Variants in ATG5 observed in about 807,000 individuals in gnomAD.
The protein encoded by ATG5 is autophagy related 5, also known as autophagy protein 5.
ATG5 carries 14 observed loss-of-function variants against 36.5 expected under a neutral mutation model. The ratio of observed to expected loss-of-function variants is 0.38; its 90% CI spans 0.25 to 0.60. The LOEUF (loss-of-function observed/expected upper bound fraction) is 0.60, where lower values mean the gene tolerates loss of function less well. Ranked by LOEUF, ATG5 falls within the 20% of genes least tolerant of loss-of-function variation. The probability of loss-of-function intolerance (pLI) is 0.60; values close to 1 mark genes in which losing one functional copy is unlikely to be tolerated. For missense variants in ATG5, 195 were observed against 326.7 expected, an observed-to-expected ratio of 0.60 and a Z score of 3.11; for synonymous variants, 95 against 101.5, an observed-to-expected ratio of 0.94 and a Z score of 0.38.
At position 106,246,371 on chromosome 6, in the gene ATG5, G is replaced by GTCTCTCTC. The variant is rs761408773; in HGVS notation, c.573+1771_573+1778dup. Among the ~76,000 whole-genome samples, 301 of 124,672 alleles carry GTCTCTCTC rather than the reference G, an allele frequency of 2.4e-3. 1 individual carries two copies. The highest frequency in any genetic ancestry group is 8.1e-3 in the African/African-American group (282 of 34,994). The allele number at this position is 124,672 out of a possible 152,430, so 81.8% of individuals were successfully genotyped here. A position where few individuals can be genotyped will look rare whatever the true frequency, so the allele number is the denominator to read the frequency against. On this transcript the variant is annotated intron_variant, in intron 6 of 7. Coordinates refer to ENST00000369076, the MANE Select transcript of ATG5 (RefSeq NM_004849.4). ...TAAAAACCATTCTCTCTCTGTCTCTGTCTCTCTCTCTCTCTCTCTCTCACA... is the reference window on the plus strand; with the variant it reads ...TAAAAACCATTCTCTCTCTGTCTCTGTCTCTCTCTCTCTCTCTCTCTCTCTCTCTCACA...
intron 6 of ATG5, among the ~76,000 whole-genome samples, chr6:106,228,628 C>T (rs1218045249): frequency 6.6e-6 from 1 of 152,044 alleles, no homozygotes; most frequent in Non-Finnish European, 1.5e-5. Flanking sequence ...GAGCAAGGAC[C>T]CCCTGGTAAC....
At chr6:106,238,738 T>TA (rs1185063700) in intron 6 of ATG5, among the ~76,000 whole-genome samples, 2 of 152,140 alleles carry the variant, frequency 1.3e-5, no homozygotes, top group Non-Finnish European at 2.9e-5. Context: ...ACTGAGAAAA[T>TA]ATCTGGGATA....
At chr6:106,267,244 T>C (rs1011888738) in intron 5 of ATG5, among the ~76,000 whole-genome samples, 17 of 152,146 alleles carry the variant, frequency 1.1e-4, no homozygotes, top group African/African-American at 3.4e-4. Flanking sequence ...CCATTCACAA[T>C]TGCTACAAAG....
intron 5 of ATG5, among the ~76,000 whole-genome samples, chr6:106,277,365 G>A (rs953917370): frequency 3.3e-5 from 5 of 152,220 alleles, no homozygotes; most frequent in Admixed American, 6.5e-5. Flanking sequence ...TACAGGACAT[G>A]CCCTCACTTT....
chr6:106,248,597 A>G (rs1449677626), intron 5 of ATG5, among the ~76,000 whole-genome samples: 1 of 152,196 alleles, frequency 6.6e-6, no homozygotes, highest in Non-Finnish European at 1.5e-5. Context: ...CTGAGCTACA[A>G]AGGTACAGCT....
intron 3 of ATG5, among the ~76,000 whole-genome samples, chr6:106,298,503 A>G (rs1391665175): frequency 6.6e-6 from 1 of 152,126 alleles, no homozygotes; most frequent in Non-Finnish European, 1.5e-5. Context: ...GTGAGCCAAG[A>G]TAGTGCGACT....
At chr6:106,222,335 TGG>T (rs989813810) in intron 6 of ATG5, among the ~76,000 whole-genome samples, 1 of 152,228 alleles carries the variant, frequency 6.6e-6, no homozygotes, top group Admixed American at 6.5e-5. Flanking sequence ...TGCATGAGCA[TGG>T]GAATTGAAGT....
At chr6:106,305,718 C>A (rs895428531) in intron 3 of ATG5, among the ~76,000 whole-genome samples, 7 of 152,244 alleles carry the variant, frequency 4.6e-5, no homozygotes. Flanking sequence ...AGTCTTCCAA[C>A]ACTTCAGTGG....
At chr6:106,264,694 T>C (rs1779160136) in intron 5 of ATG5, among the ~76,000 whole-genome samples, 1 of 152,218 alleles carries the variant, frequency 6.6e-6, no homozygotes, top group South Asian at 2.1e-4. Context: ...ATATTCAACA[T>C]TCTTAAAGAA....
At position 106,299,027 on chromosome 6, in the gene ATG5, A is replaced by G. The variant is rs529939374; in HGVS notation, c.237-5921T>C. ...AAACCACATATACCCTAAGTAAATC[A>G]TAACGTAACCATTGGCTATTATGTT... On this transcript the variant is annotated intron_variant, in intron 3 of 7. Transcript: ENST00000369076. Among the ~76,000 whole-genome samples the G allele has an allele frequency of 2.6e-5, 4 of 152,338 alleles. No individual in the cohort carries two copies. In the East Asian group the frequency reaches 7.7e-4, roughly 29 times the overall value.
intron 5 of ATG5, among the ~76,000 whole-genome samples, chr6:106,256,076 G>A (rs1052062310): frequency 2.6e-5 from 4 of 152,208 alleles, no homozygotes; most frequent in African/African-American, 9.6e-5. Context: ...AAGTCATAAG[G>A]TAAAAACAAA....
intron 6 of ATG5, among the ~76,000 whole-genome samples, chr6:106,231,775 A>G (rs1777702860): frequency 6.6e-6 from 1 of 152,070 alleles, no homozygotes; most frequent in Non-Finnish European, 1.5e-5. Context: ...ACCCTATTGA[A>G]CTTGGCAACC....
chr6:106,225,125 G>C (rs1777405866), intron 6 of ATG5, among the ~76,000 whole-genome samples: 1 of 152,156 alleles, frequency 6.6e-6, no homozygotes, highest in Admixed American at 6.5e-5. Context: ...GTTTATTAAA[G>C]GTATTACCTC....
chr6:106,244,775 AAT>A (rs1029818472), intron 6 of ATG5, among the ~76,000 whole-genome samples: 1 of 152,252 alleles, frequency 6.6e-6, no homozygotes, highest in African/African-American at 2.4e-5. Flanking sequence ...ATGGCAGGCA[AAT>A]ATGTGTGTAA....
intron 6 of ATG5, among the ~76,000 whole-genome samples, chr6:106,212,052 T>C (rs1478039919): frequency 6.6e-6 from 1 of 152,234 alleles, no homozygotes; most frequent in African/African-American, 2.4e-5. Context: ...TAACTGGAAT[T>C]AGCAAAGTTC....
chr6:106,298,334 C>G (rs1350459801), intron 3 of ATG5, among the ~76,000 whole-genome samples: 1 of 152,060 alleles, frequency 6.6e-6, no homozygotes, highest in Admixed American at 6.6e-5. Flanking sequence ...ACTCCTTTGT[C>G]TTGGCATATT....
chr6:106,317,483 A>T (rs1182575146), intron 1 of ATG5, among the ~76,000 whole-genome samples: 2 of 152,216 alleles, frequency 1.3e-5, no homozygotes, highest in African/African-American at 4.8e-5. Context: ...TTGGAGGTCA[A>T]CTGGATGCAA....
chr6:106,206,831 T>C (rs531965434), intron 6 of ATG5, among the ~76,000 whole-genome samples: 57 of 152,306 alleles, frequency 3.7e-4, no homozygotes, highest in African/African-American at 1.3e-3. Context: ...ACAGCTCTCA[T>C]TAGCCCGATG....
At chr6:106,313,353 T>C (rs1191581734) in intron 2 of ATG5, among the ~76,000 whole-genome samples, 27 of 152,170 alleles carry the variant, frequency 1.8e-4, no homozygotes, top group Admixed American at 1.4e-3. Flanking sequence ...CTCAGAGACA[T>C]AGTCATAGTG....
Sources: gnomAD v4.1 joint callset for allele counts (sites outside exome capture counted in the v4.1 genomes callset) on GRCh38, gnomAD v4.1.1 for gene constraint, MANE v1.5 for transcripts, NCBI Gene and HGNC (gene_info 2026-07-23, HGNC 2026-07-21) for gene names.